PSMF1: variants seen among roughly 807,000 people sequenced by gnomAD.
The protein encoded by PSMF1 is proteasome inhibitor subunit 1, also known as proteasome inhibitor PI31 subunit.
In PSMF1, 30 loss-of-function variants were observed where a neutral mutation model predicts 29.3. That is an observed-to-expected ratio of 1.02 (90% CI 0.77 to 1.39). The LOEUF is 1.39. Among genes scored for constraint, PSMF1 ranks in the 40% most tolerant of loss-of-function variants. The pLI, the probability that PSMF1 is intolerant of heterozygous loss-of-function variation, is 0.00. For synonymous variants in PSMF1, 134 were observed against 139.7 expected (o/e 0.96, Z 0.29); for missense variants, 344 against 357.5 (o/e 0.96, Z 0.31).
intron 4 of PSMF1, among the ~76,000 whole-genome samples, chr20:1,139,185 C>T (rs936150226): frequency 4.6e-5 from 7 of 151,870 alleles, no homozygotes; most frequent in East Asian, 1.9e-4. Flanking sequence ...AACACACATA[C>T]GAAAAGAACA....
chr20:1,153,327 G>T (rs1006198710), intron 4 of PSMF1, among the ~76,000 whole-genome samples: 13 of 152,074 alleles, frequency 8.5e-5, no homozygotes, highest in Admixed American at 6.5e-4. Context: ...GCAGAATTCA[G>T]TTCCTTGCGG....
chr20:1,152,445 AC>A (rs1158741696), intron 4 of PSMF1, among the ~76,000 whole-genome samples: 4 of 152,246 alleles, frequency 2.6e-5, no homozygotes, highest in African/African-American at 9.6e-5. Context: ...TGCTCCAAAT[AC>A]TGGTTTGAAC....
At chr20:1,152,071 A>AT (rs973247567) in intron 4 of PSMF1, among the ~76,000 whole-genome samples, 40 of 149,014 alleles carry the variant, frequency 2.7e-4, no homozygotes, top group Non-Finnish European at 4.8e-4. Context: ...TTAACCACGG[A>AT]TTTTTTTTTT....
intron 1 of PSMF1, among the ~76,000 whole-genome samples, chr20:1,123,430 A>C (rs1030443108): frequency 6.6e-6 from 1 of 152,326 alleles, no homozygotes; most frequent in South Asian, 2.1e-4. Flanking sequence ...ATAAATATAC[A>C]TCCATGAAAA....
rs998337155 is a variant in PSMF1, at chr20:1,170,395, T to C, written c.*5315T>C. Among the ~76,000 whole-genome samples the C allele has an allele frequency of 2.6e-5, 4 of 152,228 alleles. No homozygotes were observed. The highest frequency in any genetic ancestry group is 9.7e-5 in the African/African-American group (4 of 41,442). On this transcript the variant is annotated 3_prime_UTR_variant, in exon 7 of 7. Transcript: ENST00000335877. The stretch of plus-strand genomic sequence containing the variant: ...CATGAACTCTGATTCGAAGTTTTCG[T>C]TGATTTTACCCCCAGTATCCACTCC...
chr20:1,125,560 G>A lies in PSMF1; in HGVS notation c.192G>A (p.Leu64=). The A allele has an allele frequency of 1.2e-6, 2 of 1,614,106 alleles. No individual in the cohort carries two copies. Among genetic ancestry groups the A allele is most frequent in the South Asian group, 1.1e-5 (1 of 91,070 alleles). ...CTGGGTGGAACAACAATAAAGACCT[G>A]TATGTCCTCCGGTATGAGTATAAGG... ...LPAGWNNNKD[L]YVLRYEYKDG... The change falls in exon 2 of 7, where the codon CTG becomes CTA. Residue 64 remains leucine (L), a synonymous_variant. Transcript: ENST00000335877.
At chr20:1,148,872 T>G (rs376970830) in intron 4 of PSMF1, among the ~76,000 whole-genome samples, 2 of 152,224 alleles carry the variant, frequency 1.3e-5, no homozygotes, top group Non-Finnish European at 2.9e-5. Flanking sequence ...AGAGAGCTCT[T>G]ATATGGGTTA....
intron 4 of PSMF1, among the ~76,000 whole-genome samples, chr20:1,150,201 T>C (rs2086510551): frequency 6.6e-6 from 1 of 151,856 alleles, no homozygotes; most frequent in Non-Finnish European, 1.5e-5. Flanking sequence ...AAAAAGTGCT[T>C]TATGCCCGTT....
chr20:1,161,510 G>C lies in PSMF1; in HGVS notation c.552-1620G>C, dbSNP rs1274223033. On this transcript the variant is annotated intron_variant, in intron 4 of 6. Transcript: ENST00000335877. ...TGTACCCAAGCATCTCCAACAGGATGCAGAAAGAGATCACTGCCCTGGTGC... is the reference window on the plus strand; with the variant it reads ...TGTACCCAAGCATCTCCAACAGGATCCAGAAAGAGATCACTGCCCTGGTGC... The C allele has an allele frequency of 1.5e-5, 8 of 536,630 alleles. No homozygotes were observed. In the African/African-American group the frequency reaches 1.5e-4, roughly 10 times the overall value. The allele number at this position is 536,630 out of a possible 1,614,324, so 33.2% of individuals were successfully genotyped here.
At chr20:1,148,970 G>A (rs1052865989) in intron 4 of PSMF1, among the ~76,000 whole-genome samples, 6 of 152,118 alleles carry the variant, frequency 3.9e-5, no homozygotes, top group Non-Finnish European at 7.4e-5. Flanking sequence ...AGCCCATTAT[G>A]TGTTAATATA....
At position 1,166,632 on chromosome 20, in the gene PSMF1, G is replaced by A; in HGVS notation, c.*1552G>A. 4.2e-6 allele frequency: 1 copy of A among 237,086 alleles called. No homozygotes were observed. The highest frequency in any genetic ancestry group is 8.5e-6 in the Non-Finnish European group (1 of 117,510). The allele number at this position is 237,086 out of a possible 1,614,324, so 14.7% of individuals were successfully genotyped here. A position where few individuals can be genotyped will look rare whatever the true frequency, so the allele number is the denominator to read the frequency against. On this transcript the variant is annotated 3_prime_UTR_variant, in exon 7 of 7. Coordinates refer to ENST00000335877, the MANE Select transcript of PSMF1 (RefSeq NM_006814.5). Reference sequence around the variant, plus strand: ...GTATTTCTGTCAGTCCCCATGGCAAGCAGTGATTTAGTAAAACACCCCAGA... The same window carrying A: ...GTATTTCTGTCAGTCCCCATGGCAAACAGTGATTTAGTAAAACACCCCAGA...
intron 4 of PSMF1, chr20:1,160,546 TC>T (rs2086653261): frequency 2.3e-6 from 1 of 430,800 alleles, no homozygotes; most frequent in Non-Finnish European, 4.8e-6. Flanking sequence ...CTCCATGTCT[TC>T]CCACCGCTCT....
chr20:1,139,407 G>A (rs574025494), intron 4 of PSMF1, among the ~76,000 whole-genome samples: 33 of 152,226 alleles, frequency 2.2e-4, no homozygotes, highest in African/African-American at 7.5e-4. Flanking sequence ...AGAAAAATAA[G>A]GGGTATCCAG....
chr20:1,120,856 C>G (rs138304179), intron 1 of PSMF1, among the ~76,000 whole-genome samples: 27 of 152,308 alleles, frequency 1.8e-4, no homozygotes, highest in African/African-American at 6.3e-4. Flanking sequence ...GCCACACTGT[C>G]AGAACCCCAT....
chr20:1,134,050 G>A (rs1393965300), intron 3 of PSMF1, among the ~76,000 whole-genome samples: 1 of 151,494 alleles, frequency 6.6e-6, no homozygotes, highest in Non-Finnish European at 1.5e-5. Context: ...TTTTTTTGAA[G>A]AATTGACTTT....
In PSMF1 at chr20:1,165,349, C is replaced by T; in HGVS notation, c.*269C>T. 2.2e-6 allele frequency: 3 copies of T among 1,361,914 alleles called. No individual in the cohort carries two copies. Among genetic ancestry groups the T allele is most frequent in the Non-Finnish European group, 2.8e-6 (3 of 1,059,100 alleles). The allele number at this position is 1,361,914 out of a possible 1,614,324, so 84.4% of individuals were successfully genotyped here. ...TTTCACCACCAGCTCCTCTCCACTT[C>T]CCAAGGGAGACTCCGGCAACCTTCA... On this transcript the variant is annotated 3_prime_UTR_variant, in exon 7 of 7. Transcript: ENST00000335877.
In PSMF1 at chr20:1,165,566, C is replaced by G. The variant is rs1600178702; in HGVS notation, c.*486C>G. 3.0e-6 allele frequency: 3 copies of G among 995,554 alleles called. No individual in the cohort carries two copies. The highest frequency in any genetic ancestry group is 1.0e-3 in the Middle Eastern group (2 of 1,936). The allele number at this position is 995,554 out of a possible 1,614,324, so 61.7% of individuals were successfully genotyped here. On this transcript the variant is annotated 3_prime_UTR_variant, in exon 7 of 7. Coordinates refer to ENST00000335877, the MANE Select transcript of PSMF1 (RefSeq NM_006814.5). ...TCTGTAGGGCTGAATGACTCTTTTT[C>G]CTGCCCAGGGCCCATTCTTGCTTCT...
Position 1,163,276 on chromosome 20 carries a change from C to T in PSMF1, c.605+93C>T. On this transcript the variant is annotated intron_variant, in intron 5 of 6. Transcript: ENST00000335877. The surrounding 1 kb of genome is among the most constrained non-coding windows in gnomAD (Gnocchi z 6.1). ...TCTAATTTTAGAGTTTTCGGTCAGT[C>T]TCTTCCTTTGGGGTGGAGGAGGCAG... is the stretch of plus-strand genomic sequence containing the variant. 7.0e-7 allele frequency: 1 copy of T among 1,426,812 alleles called. No homozygotes were observed. The highest frequency in any genetic ancestry group is 9.7e-7 in the Non-Finnish European group (1 of 1,026,712). The allele number at this position is 1,426,812 out of a possible 1,614,324, so 88.4% of individuals were successfully genotyped here.
At chr20:1,138,864 TAAAA>T (rs371495539) in intron 4 of PSMF1, among the ~76,000 whole-genome samples, 4,191 of 148,002 alleles carry the variant, frequency 0.028, 169 homozygotes, top group African/African-American at 0.099. Flanking sequence ...CAAAAGCAAA[TAAAA>T]AAACAACAAA....
Sources: allele counts gnomAD v4.1 joint callset (sites outside exome capture counted in the v4.1 genomes callset), GRCh38; gene constraint gnomAD v4.1.1; non-coding constraint Gnocchi (gnomAD v3.1); transcripts MANE v1.5; gene names NCBI Gene and HGNC (gene_info 2026-07-23, HGNC 2026-07-21).